Variants in IQSEC1 observed in about 807,000 individuals in gnomAD.
IQSEC1 encodes the protein IQ motif and Sec7 domain ArfGEF 1, also known as IQ motif and SEC7 domain-containing protein 1.
Under a neutral mutation model 91.0 loss-of-function variants are expected in IQSEC1, and 31 were observed. That is an observed-to-expected ratio of 0.34 (90% confidence interval 0.26 to 0.46). The LOEUF (loss-of-function observed/expected upper bound fraction) is 0.46. Among genes scored for constraint, IQSEC1 ranks in the 20% least tolerant of loss-of-function variants. The probability of loss-of-function intolerance (pLI) is 1.00; values close to 1 mark genes in which losing one functional copy is unlikely to be tolerated. For missense variants in IQSEC1, 1,388 were observed against 1,575.6 expected (o/e 0.88, Z 2.02); for synonymous variants, 699 against 662.6 (o/e 1.05, Z -0.84).
chr3:13,150,408 C>A (rs935036087), intron 2 of IQSEC1, among the ~76,000 whole-genome samples: 1 of 152,280 alleles, frequency 6.6e-6, no homozygotes, highest in Non-Finnish European at 1.5e-5. Flanking sequence ...TTAAACTTGT[C>A]AGCTTAGCAG....
chr3:12,993,283 A>C (rs74335135), intron 1 of IQSEC1, among the ~76,000 whole-genome samples: 3,822 of 152,222 alleles, frequency 0.025, 70 homozygotes, highest in Middle Eastern at 0.041. Context: ...CGGGGTTGGG[A>C]GGCAGGGACA....
At chr3:13,112,116 C>A (rs1478659884) in intron 2 of IQSEC1, among the ~76,000 whole-genome samples, 1 of 152,196 alleles carries the variant, frequency 6.6e-6, no homozygotes, top group African/African-American at 2.4e-5. Context: ...TACTCAGCCT[C>A]CAAGGCACCT....
intron 12 of IQSEC1, 83 bp from the exon 13 acceptor site, chr3:12,902,905 G>T: frequency 9.6e-7 from 1 of 1,044,666 alleles, no homozygotes; most frequent in Non-Finnish European, 1.5e-6. Flanking sequence ...CTGCTGCCAC[G>T]GAGCCTGCAC....
intron 1 of IQSEC1, among the ~76,000 whole-genome samples, chr3:13,166,282 G>A (rs73815422): frequency 0.028 from 4,264 of 152,332 alleles, 192 homozygotes; most frequent in African/African-American, 0.097. Flanking sequence ...TCAGGACCAC[G>A]TGAAGCTCTC....
At chr3:13,275,307 G>C (rs1695658181) in intron 1 of IQSEC1, among the ~76,000 whole-genome samples, 1 of 151,578 alleles carries the variant, frequency 6.6e-6, no homozygotes, top group African/African-American at 2.4e-5. Flanking sequence ...CCTCATCCAA[G>C]AGGGAAAGCT....
chr3:13,098,808 G>C (rs1185778492), intron 2 of IQSEC1, among the ~76,000 whole-genome samples: 1 of 151,848 alleles, frequency 6.6e-6, no homozygotes, highest in East Asian at 1.9e-4. Context: ...GAGGAAGTGG[G>C]AAATGACTGC....
intron 2 of IQSEC1, among the ~76,000 whole-genome samples, chr3:13,111,229 G>A (rs1276692397): frequency 6.6e-6 from 1 of 152,166 alleles, no homozygotes; most frequent in East Asian, 1.9e-4. Flanking sequence ...TGTGCCCAGG[G>A]CTCACCACAC....
rs1694195800 is a variant in IQSEC1 at position 12,900,941 on chromosome 3, G to A, written c.*42C>T. On this transcript the variant is annotated 3_prime_UTR_variant, in exon 14 of 14. Coordinates refer to ENST00000613206, the MANE Select transcript of IQSEC1 (RefSeq NM_001134382.3). ...GACCCCCGGGCGTGCCCTGTGTGGT[G>A]TGCAGGTGTTTCAGGGAGCCTGGGA... is the stretch of plus-strand genomic sequence containing the variant. 6.5e-6 allele frequency: 10 copies of A among 1,539,458 alleles called. No individual in the cohort carries two copies. Among genetic ancestry groups the A allele is most frequent in the South Asian group, 2.4e-5 (2 of 84,066 alleles).
intron 1 of IQSEC1, among the ~76,000 whole-genome samples, chr3:13,169,300 A>C (rs1459666918): frequency 3.3e-5 from 5 of 152,178 alleles, no homozygotes; most frequent in Non-Finnish European, 7.3e-5. Flanking sequence ...GTAAGATGTG[A>C]CTTGCTCCTC....
intron 1 of IQSEC1, among the ~76,000 whole-genome samples, chr3:13,250,034 C>T (rs570629557): frequency 2.6e-5 from 4 of 152,344 alleles, no homozygotes; most frequent in South Asian, 2.1e-4. Context: ...TGATGTGGAG[C>T]GGTCTCATTT....
At position 12,967,954 on chromosome 3, in the gene IQSEC1, C is replaced by T. The variant is rs958376951; in HGVS notation, c.24-26089G>A. On this transcript the variant is annotated intron_variant, in intron 1 of 13. Coordinates refer to ENST00000613206, the MANE Select transcript of IQSEC1 (RefSeq NM_001134382.3). The surrounding 1 kb of genome is among the most constrained non-coding windows in gnomAD (Gnocchi z 5.9). ...GCGCAGGGGCGGGGCCGAGCCGAGG[C>T]GCGGGGTGCAGAGCGCAAGGGCGGA... Among the ~76,000 whole-genome samples, 10 of 152,108 alleles carry T rather than the reference C, an allele frequency of 6.6e-5. No homozygotes were observed. Among genetic ancestry groups the T allele is most frequent in the African/African-American group, 2.4e-4 (10 of 41,530 alleles).
At chr3:13,013,044 T>C (rs1364505307) in intron 1 of IQSEC1, among the ~76,000 whole-genome samples, 1 of 141,096 alleles carries the variant, frequency 7.1e-6, no homozygotes, top group Non-Finnish European at 1.5e-5. Context: ...CACTGCAACC[T>C]CTGCCTCCCA....
chr3:12,987,407 C>T (rs1363169142), intron 1 of IQSEC1, among the ~76,000 whole-genome samples: 1 of 152,174 alleles, frequency 6.6e-6, no homozygotes, highest in Non-Finnish European at 1.5e-5. Flanking sequence ...TATGTGTGCA[C>T]CTGGGGCCGT....
At chr3:13,014,777 A>G (rs967805681) in intron 1 of IQSEC1, among the ~76,000 whole-genome samples, 1 of 152,086 alleles carries the variant, frequency 6.6e-6, no homozygotes, top group African/African-American at 2.4e-5. Context: ...ACAGCTCAGA[A>G]CCCAGGGAAC....
At chr3:13,244,786 A>G (rs1331707546) in intron 1 of IQSEC1, among the ~76,000 whole-genome samples, 2 of 152,110 alleles carry the variant, frequency 1.3e-5, no homozygotes, top group Non-Finnish European at 2.9e-5. Flanking sequence ...CCTGCCAGCC[A>G]TTGACCACGA....
rs951875351 is a variant in IQSEC1, at chr3:12,913,513, C to T, written c.2231G>A (p.Arg744Gln). Residue 744 changes from arginine (R) to glutamine (Q), a missense_variant, in exon 9 of 14, where the codon CGG (arginine) becomes CAG (glutamine). By Grantham distance (43) the Arg-to-Gln change is conservative. Transcript: ENST00000613206. ...LPHRRLVCYCRLFEVPDPNKP... is the reference protein window; with the variant it reads ...LPHRRLVCYCQLFEVPDPNKP... ...GTTTGGGTCTGGAACCTCAAAGAGCCGGCAGTAGCAGACCAACCGACGGTG... is the reference window on the plus strand; with the variant it reads ...GTTTGGGTCTGGAACCTCAAAGAGCTGGCAGTAGCAGACCAACCGACGGTG... The T allele has an allele frequency of 2.5e-6, 4 of 1,607,612 alleles. No individual in the cohort carries two copies. The highest frequency in any genetic ancestry group is 2.2e-5 in the East Asian group (1 of 44,548).
intron 1 of IQSEC1, among the ~76,000 whole-genome samples, chr3:13,035,825 T>A (rs1382794281): frequency 6.6e-6 from 1 of 152,182 alleles, no homozygotes; most frequent in African/African-American, 2.4e-5. Flanking sequence ...TGAGGCCTGG[T>A]CATAAAAGGT....
intron 2 of IQSEC1, among the ~76,000 whole-genome samples, chr3:13,112,317 G>A (rs1706260234): frequency 6.6e-6 from 1 of 152,242 alleles, no homozygotes; most frequent in Non-Finnish European, 1.5e-5. Flanking sequence ...AGCCAGCCCA[G>A]CCAAACCAGC....
At chr3:13,205,209 G>C (rs1034305768) in intron 1 of IQSEC1, among the ~76,000 whole-genome samples, 1 of 152,088 alleles carries the variant, frequency 6.6e-6, no homozygotes, top group Non-Finnish European at 1.5e-5. Context: ...GAACAGGAAG[G>C]CTACAGCAGC....
Sources: gnomAD v4.1 joint callset for allele counts (sites outside exome capture counted in the v4.1 genomes callset) on GRCh38, gnomAD v4.1.1 for gene constraint, Gnocchi (gnomAD v3.1) non-coding constraint, MANE v1.5 for transcripts, NCBI Gene and HGNC (gene_info 2026-07-23, HGNC 2026-07-21) for gene names.